Variants in RXRA observed in about 807,000 individuals in gnomAD.
The protein encoded by RXRA is retinoic acid receptor RXR-alpha.
RXRA carries 5 observed loss-of-function variants against 44.5 expected under a neutral mutation model. The ratio of observed to expected loss-of-function variants is 0.11; its 90% CI spans 0.06 to 0.24. RXRA has a LOEUF of 0.24. Among genes scored for constraint, RXRA ranks in the 10% least tolerant of loss-of-function variants. The probability of loss-of-function intolerance (pLI) is 1.00; values close to 1 mark genes in which losing one functional copy is unlikely to be tolerated. For synonymous variants in RXRA, 291 were observed against 271.4 expected (o/e 1.07, Z -0.71); for missense variants, 412 against 646.5 (o/e 0.64, Z 3.93).
At chr9:134,379,747 C>T (rs1830613644) in intron 1 of RXRA, 1 of 985,394 alleles carries the variant, frequency 1.0e-6, no homozygotes, top group Non-Finnish European at 1.2e-6. Flanking sequence ...AGCTCAGCCC[C>T]TCTGTGCCTG....
chr9:134,333,624 A>T (rs1016947549), intron 1 of RXRA, among the ~76,000 whole-genome samples: 1 of 152,154 alleles, frequency 6.6e-6, no homozygotes, highest in Non-Finnish European at 1.5e-5. Flanking sequence ...GCCGGCTGTA[A>T]TGAGGTTACT....
At chr9:134,410,844 G>A (rs1229134332) in intron 4 of RXRA, among the ~76,000 whole-genome samples, 1 of 152,222 alleles carries the variant, frequency 6.6e-6, no homozygotes, top group Non-Finnish European at 1.5e-5. Context: ...GGGGGCAGAT[G>A]AGAGCGCTGT....
In RXRA at chr9:134,417,575, G is replaced by T. The variant is rs547813849; in HGVS notation, c.780+248G>T. Among the ~76,000 whole-genome samples, 1 of 151,832 alleles carries T rather than the reference G, an allele frequency of 6.6e-6. No homozygotes were observed. The highest frequency in any genetic ancestry group is 2.0e-4 in the East Asian group (1 of 5,128). On this transcript the variant is annotated intron_variant, in intron 5 of 9. Transcript: ENST00000481739. This position sits in a 1 kb window ranked among gnomAD's most constrained non-coding sequence, Gnocchi z 6.1. Reference sequence around the variant, plus strand: ...GGCAGGGGCCAGGGGCCAGGGGCCCGGGGCCTGGGGCCCTGCGGCCACATC... The same window carrying T: ...GGCAGGGGCCAGGGGCCAGGGGCCCTGGGCCTGGGGCCCTGCGGCCACATC...
chr9:134,422,606 G>T (rs1364521246), intron 6 of RXRA: 1 of 873,404 alleles, frequency 1.1e-6, no homozygotes, highest in South Asian at 5.0e-5. Flanking sequence ...CCCGCTCCCA[G>T]GACGCTCCCC....
At chr9:134,326,753 G>T (rs1384108516) in intron 1 of RXRA, 94 bp downstream of exon 1, 4 of 235,730 alleles carry the variant, frequency 1.7e-5, no homozygotes, top group African/African-American at 2.4e-5. Flanking sequence ...GCGCGCGGGG[G>T]GTCGCCGGCC....
intron 4 of RXRA, among the ~76,000 whole-genome samples, chr9:134,412,811 A>G (rs1426218039): frequency 6.6e-6 from 1 of 152,170 alleles, no homozygotes; most frequent in African/African-American, 2.4e-5. Context: ...GCTTCCACCC[A>G]GGGTCGTCGG....
intron 1 of RXRA, among the ~76,000 whole-genome samples, chr9:134,362,074 CCCTCTGTG>C (rs1185751484): frequency 6.6e-6 from 1 of 152,192 alleles, no homozygotes; most frequent in Non-Finnish European, 1.5e-5. Context: ...CTTGGCACTG[CCCTCTGTG>C]CCTCTGTGCT....
chr9:134,327,828 G>A (rs1188497681), intron 1 of RXRA, among the ~76,000 whole-genome samples: 2 of 152,190 alleles, frequency 1.3e-5, no homozygotes, highest in African/African-American at 4.8e-5. Context: ...GTGCTGCCCC[G>A]TGACCGGGGC....
intron 1 of RXRA, among the ~76,000 whole-genome samples, chr9:134,338,541 G>T (rs1830041619): frequency 6.6e-6 from 1 of 152,230 alleles, no homozygotes; most frequent in Non-Finnish European, 1.5e-5. Flanking sequence ...ACGTGCGTCT[G>T]GCCGCAGTCA....
At chr9:134,397,371 G>A (rs1030052793) in intron 1 of RXRA, among the ~76,000 whole-genome samples, 8 of 152,206 alleles carry the variant, frequency 5.3e-5, no homozygotes, top group Admixed American at 6.5e-5. Flanking sequence ...CTGCCATCTG[G>A]GGGCCCAGGG....
intron 1 of RXRA, among the ~76,000 whole-genome samples, chr9:134,329,133 G>C (rs1029627296): frequency 5.9e-5 from 9 of 152,162 alleles, no homozygotes; most frequent in African/African-American, 2.2e-4. Flanking sequence ...CCTGTGGAGA[G>C]ACCCGGTGGC....
chr9:134,327,516 C>T (rs1406023317), intron 1 of RXRA, among the ~76,000 whole-genome samples: 2 of 152,150 alleles, frequency 1.3e-5, no homozygotes, highest in East Asian at 1.9e-4. Flanking sequence ...TATAAATTAG[C>T]TCCGGGAAGG....
chr9:134,367,769 C>T (rs1028532560), intron 1 of RXRA, among the ~76,000 whole-genome samples: 1 of 152,184 alleles, frequency 6.6e-6, no homozygotes, highest in African/African-American at 2.4e-5. Flanking sequence ...GCCGGGGTGT[C>T]TTGTGGCCCC....
intron 1 of RXRA, among the ~76,000 whole-genome samples, chr9:134,339,246 C>T (rs782533742): frequency 5.9e-5 from 9 of 152,384 alleles, no homozygotes; most frequent in South Asian, 2.1e-4. Context: ...GCGCCTCCCG[C>T]GCTGTTCCTC....
chr9:134,355,441 G>T (rs928796125), intron 1 of RXRA, among the ~76,000 whole-genome samples: 13 of 151,144 alleles, frequency 8.6e-5, no homozygotes, highest in African/African-American at 3.2e-4. Flanking sequence ...AGATGAAGCT[G>T]ACAGAGCTCA....
chr9:134,339,959 C>T (rs977530438), intron 1 of RXRA, among the ~76,000 whole-genome samples: 9 of 152,036 alleles, frequency 5.9e-5, no homozygotes, highest in Admixed American at 2.6e-4. Flanking sequence ...TTGTGTGAGC[C>T]TGTCTGTGTG....
chr9:134,435,852 C>T (rs777020320), intron 9 of RXRA, among the ~76,000 whole-genome samples: 4 of 152,178 alleles, frequency 2.6e-5, no homozygotes, highest in Admixed American at 6.5e-5. Flanking sequence ...CACCCGCTCC[C>T]GGCTGTCATG....
intron 6 of RXRA, chr9:134,424,454 C>T: frequency 2.0e-6 from 2 of 985,482 alleles, no homozygotes; most frequent in Non-Finnish European, 2.4e-6. Context: ...GTGGGCCCTG[C>T]TCATGCATGC....
intron 5 of RXRA, among the ~76,000 whole-genome samples, chr9:134,421,164 A>G (rs1831323800): frequency 6.6e-6 from 1 of 152,208 alleles, no homozygotes; most frequent in Non-Finnish European, 1.5e-5. Context: ...TGGAAACAAC[A>G]CACATTTTAT....
Sources: gnomAD v4.1 joint callset for allele counts (sites outside exome capture counted in the v4.1 genomes callset) on GRCh38, gnomAD v4.1.1 for gene constraint, Gnocchi (gnomAD v3.1) non-coding constraint, MANE v1.5 for transcripts, NCBI Gene and HGNC (gene_info 2026-07-23, HGNC 2026-07-21) for gene names.